Variants in RBFOX1 observed in about 807,000 individuals in gnomAD.
The protein encoded by RBFOX1 is RNA binding protein fox-1 homolog 1.
Under a neutral mutation model 57.7 loss-of-function variants are expected in RBFOX1, and 8 were observed. That is an observed-to-expected ratio of 0.14 (90% CI 0.08 to 0.25). RBFOX1 has a LOEUF of 0.25. RBFOX1 is among the 10% of genes least tolerant of loss of function. The probability of loss-of-function intolerance (pLI) is 1.00; values close to 1 mark genes in which losing one functional copy is unlikely to be tolerated. For synonymous variants in RBFOX1, 326 were observed against 222.4 expected (o/e 1.47, Z -4.15); for missense variants, 611 against 548.5 (o/e 1.11, Z -1.14).
intron 2 of RBFOX1, among the ~76,000 whole-genome samples, chr16:5,475,058 G>C (rs2069273566): frequency 6.6e-6 from 1 of 152,092 alleles, no homozygotes; most frequent in East Asian, 1.9e-4. Flanking sequence ...ATTTCCTTTT[G>C]TTGTAGGTGT....
At chr16:5,837,948 G>A (rs550724821) in intron 3 of RBFOX1, among the ~76,000 whole-genome samples, 7 of 152,180 alleles carry the variant, frequency 4.6e-5, no homozygotes, top group Non-Finnish European at 7.4e-5. Flanking sequence ...TGGCTGCTTC[G>A]GAAAGAGGCA....
At chr16:5,867,300 C>T (rs1356893529) in intron 3 of RBFOX1, 17 of 1,203,306 alleles carry the variant, frequency 1.4e-5, no homozygotes, top group Non-Finnish European at 1.8e-5. Context: ...GTTTAACTTG[C>T]AGGTTTCGGC....
intron 4 of RBFOX1, among the ~76,000 whole-genome samples, chr16:7,349,328 C>T (rs762389202): frequency 2.0e-5 from 3 of 152,094 alleles, no homozygotes; most frequent in Admixed American, 1.3e-4. Flanking sequence ...ATGTCTAAGG[C>T]GCAAGATCGG....
At chr16:7,246,837 C>T (rs1280845833) in intron 4 of RBFOX1, among the ~76,000 whole-genome samples, 1 of 152,018 alleles carries the variant, frequency 6.6e-6, no homozygotes, top group African/African-American at 2.4e-5. Context: ...AGAGCTACAG[C>T]ATAAAGGCTT....
At chr16:5,317,921 T>A (rs1174285451) in intron 1 of RBFOX1, among the ~76,000 whole-genome samples, 1 of 152,172 alleles carries the variant, frequency 6.6e-6, no homozygotes, top group Non-Finnish European at 1.5e-5. Flanking sequence ...TCCTAAGCAA[T>A]AACTTCTCAT....
At chr16:6,209,209 G>C (rs895194318) in intron 1 of RBFOX1, among the ~76,000 whole-genome samples, 1 of 152,150 alleles carries the variant, frequency 6.6e-6, no homozygotes, top group African/African-American at 2.4e-5. Context: ...AGCTGCTGGA[G>C]AATGTGAAGG....
At chr16:5,555,646 C>A (rs188945563) in intron 2 of RBFOX1, among the ~76,000 whole-genome samples, 37 of 152,214 alleles carry the variant, frequency 2.4e-4, no homozygotes, top group Non-Finnish European at 4.9e-4. Flanking sequence ...AACATGTGCC[C>A]TATGTGTAGC....
chr16:6,742,641 C>G (rs984465792), intron 3 of RBFOX1, among the ~76,000 whole-genome samples: 3 of 152,190 alleles, frequency 2.0e-5, no homozygotes, highest in Non-Finnish European at 4.4e-5. Flanking sequence ...CTGTGAACTA[C>G]TATTCAGCAA....
chr16:6,035,053 G>T (rs1213246973), intron 1 of RBFOX1, among the ~76,000 whole-genome samples: 1 of 150,932 alleles, frequency 6.6e-6, no homozygotes, highest in East Asian at 1.9e-4. Flanking sequence ...TGTTGTGCAG[G>T]CTGTCCTGTA....
chr16:6,919,046 T>A (rs2073886008), intron 3 of RBFOX1, among the ~76,000 whole-genome samples: 1 of 152,158 alleles, frequency 6.6e-6, no homozygotes, highest in Non-Finnish European at 1.5e-5. Flanking sequence ...ACAGGTAGGA[T>A]CTCAGCTCAC....
chr16:5,312,057 G>T (rs895914557), intron 1 of RBFOX1, among the ~76,000 whole-genome samples: 7 of 152,188 alleles, frequency 4.6e-5, no homozygotes, highest in African/African-American at 1.4e-4. Flanking sequence ...GCTCAGGAGG[G>T]GCTGCATGAA....
intron 3 of RBFOX1, among the ~76,000 whole-genome samples, chr16:5,655,603 G>C (rs984097144): frequency 7.2e-5 from 11 of 152,198 alleles, no homozygotes; most frequent in African/African-American, 2.7e-4. Context: ...GAGCTGTAAT[G>C]GTTGTCCTTG....
At chr16:5,623,446 C>T (rs537357629) in intron 3 of RBFOX1, among the ~76,000 whole-genome samples, 1 of 152,268 alleles carries the variant, frequency 6.6e-6, no homozygotes, top group East Asian at 1.9e-4. Flanking sequence ...TGGGAGAACA[C>T]TCATAATCAC....
Position 6,180,628 on chromosome 16 carries a change from C to T in RBFOX1, c.-126-136367C>T, listed in dbSNP as rs774029950. The stretch of plus-strand genomic sequence containing the variant: ...TCACCCAGGCTGGAGTGCAGTGTTA[C>T]GATCTCGGCTCACTGCAATCTCCAC... On this transcript the variant is annotated intron_variant, in intron 1 of 15. Coordinates refer to ENST00000550418, the MANE Select transcript of RBFOX1 (RefSeq NM_018723.4). 1.1e-4 allele frequency among the ~76,000 whole-genome samples: 17 copies of T among 151,514 alleles called. No individual in the cohort carries two copies. The South Asian group carries it at 1.3e-3, about 11-fold the overall frequency.
intron 3 of RBFOX1, among the ~76,000 whole-genome samples, chr16:6,695,334 T>C (rs1001570518): frequency 1.4e-5 from 2 of 145,250 alleles, no homozygotes; most frequent in Non-Finnish European, 3.0e-5. Context: ...GAGAATCGCT[T>C]GAACCCAACA....
At chr16:6,037,996 C>T (rs1363376401) in intron 1 of RBFOX1, 2 of 152,074 alleles carry the variant, frequency 1.3e-5, no homozygotes, top group Non-Finnish European at 2.9e-5. Context: ...TATACTTAGG[C>T]ATGATACATT....
intron 1 of RBFOX1, among the ~76,000 whole-genome samples, chr16:5,302,467 T>C (rs190450630): frequency 4.2e-4 from 64 of 152,330 alleles, no homozygotes; most frequent in African/African-American, 1.5e-3. Context: ...GTTGATTGTG[T>C]CATTCAAATT....
chr16:5,621,944 C>T (rs1231359493), intron 3 of RBFOX1, among the ~76,000 whole-genome samples: 1 of 152,164 alleles, frequency 6.6e-6, no homozygotes, highest in Non-Finnish European at 1.5e-5. Flanking sequence ...AGCCACTGGC[C>T]CAGCATCTCC....
chr16:5,911,649 GCCAC>G (rs1272106455), intron 4 of RBFOX1, among the ~76,000 whole-genome samples: 1 of 152,134 alleles, frequency 6.6e-6, no homozygotes, highest in Non-Finnish European at 1.5e-5. Flanking sequence ...CATGAACAGG[GCCAC>G]TTCTAAACAG....
Sources: gnomAD v4.1 joint callset for allele counts (sites outside exome capture counted in the v4.1 genomes callset) on GRCh38, gnomAD v4.1.1 for gene constraint, MANE v1.5 for transcripts, NCBI Gene and HGNC (gene_info 2026-07-23, HGNC 2026-07-21) for gene names.